The following RYR3 variants were observed in gnomAD, a reference collection of about 807,000 sequenced individuals.
RYR3 encodes the protein ryanodine receptor 3, also known as brain ryanodine receptor-calcium release channel.
A neutral mutation model predicts 584.3 loss-of-function variants in RYR3; 207 were observed. The ratio of observed to expected loss-of-function variants is 0.35; its 90% CI spans 0.32 to 0.40. The LOEUF (loss-of-function observed/expected upper bound fraction) is 0.40. Among genes scored for constraint, RYR3 ranks in the 10% least tolerant of loss-of-function variants. RYR3 has a pLI of 1.00. For missense variants in RYR3, 5,616 were observed against 6,089.2 expected (o/e 0.92, Z 2.59); for synonymous variants, 2,416 against 2,248.5 (o/e 1.07, Z -2.11).
intron 23 of RYR3, 26 bp downstream of exon 23, chr15:33,631,319 C>G (rs2061255130): frequency 7.0e-7 from 1 of 1,438,152 alleles, no homozygotes; most frequent in African/African-American, 1.4e-5. Flanking sequence ...TTTAATGGTT[C>G]AAGACTTTAA....
Position 33,639,487 on chromosome 15 carries a change from A to T in RYR3, c.3556+2937A>T, listed in dbSNP as rs547308231. Among the ~76,000 whole-genome samples, 167 of 152,328 alleles carry T rather than the reference A, an allele frequency of 1.1e-3. 1 individual carries two copies. The highest frequency in any genetic ancestry group is 3.9e-3 in the African/African-American group (162 of 41,578). On this transcript the variant is annotated intron_variant, in intron 27 of 103. Transcript: ENST00000634891. The stretch of plus-strand genomic sequence containing the variant: ...CTGTGTCAAGTGGAAAGAGGTAGCA[A>T]TTCTTGCCTTGAGTTGTTAAGAAAA...
At chr15:33,788,112 C>A in intron 66 of RYR3, 106 bp from the exon 67 acceptor site, 1 of 1,389,524 alleles carries the variant, frequency 7.2e-7, no homozygotes, top group South Asian at 1.3e-5. Flanking sequence ...GGGCAGGTGC[C>A]ATCCTGAGTC....
At chr15:33,439,887 A>T (rs1596147227) in intron 1 of RYR3, among the ~76,000 whole-genome samples, 1 of 152,104 alleles carries the variant, frequency 6.6e-6, no homozygotes, top group Non-Finnish European at 1.5e-5. Context: ...GCTTGTTCTT[A>T]TGGAAAAAAG....
chr15:33,641,061 G>A (rs994832138), intron 27 of RYR3, among the ~76,000 whole-genome samples: 6 of 152,198 alleles, frequency 3.9e-5, no homozygotes, highest in Admixed American at 6.5e-5. Flanking sequence ...CCTCTACGGG[G>A]CCTGGAGCGT....
rs112655300 is a variant in RYR3, at chr15:33,800,709, A to G, written c.9831-61A>G. The G allele has an allele frequency of 6.6e-5, 77 of 1,172,572 alleles. 1 individual carries two copies. In the African/African-American group the frequency reaches 7.7e-4, roughly 12 times the overall value. 72.6% of individuals were successfully genotyped at this position (1,172,572 alleles called of 1,614,324 possible). On this transcript the variant is annotated intron_variant, in intron 67 of 103. Coordinates refer to ENST00000634891, the MANE Select transcript of RYR3 (RefSeq NM_001036.6). ...TCTCCAGTGCTGGTATAATTTTTAG[A>G]GTGTGAATATTTTAATCTCTACTGA...
chr15:33,731,438 G>A (rs1270224256), intron 47 of RYR3, 36 bp from the exon 48 acceptor site: 2 of 1,500,078 alleles, frequency 1.3e-6, no homozygotes, highest in Admixed American at 3.7e-5. Flanking sequence ...CTGTTCCTCA[G>A]GGCAATTAAC....
At chr15:33,659,437 C>T (rs2063014851) in intron 32 of RYR3, among the ~76,000 whole-genome samples, 1 of 152,220 alleles carries the variant, frequency 6.6e-6, no homozygotes, top group South Asian at 2.1e-4. Context: ...TTCACACCTA[C>T]CTGTCCTGTG....
At chr15:33,337,855 A>C (rs192211891) in intron 1 of RYR3, among the ~76,000 whole-genome samples, 109 of 152,126 alleles carry the variant, frequency 7.2e-4, no homozygotes, top group Admixed American at 5.9e-4. Context: ...GCCCATCAGC[A>C]ATAGAATGGA....
chr15:33,388,114 A>C (rs1248306161), intron 1 of RYR3, among the ~76,000 whole-genome samples: 1 of 152,230 alleles, frequency 6.6e-6, no homozygotes, highest in Non-Finnish European at 1.5e-5. Context: ...CTTTTGAGGA[A>C]GAAAACAACA....
chr15:33,630,957 C>G (rs1188098272), intron 22 of RYR3, among the ~76,000 whole-genome samples: 1 of 152,132 alleles, frequency 6.6e-6, no homozygotes, highest in Non-Finnish European at 1.5e-5. Context: ...GTTATTGTAA[C>G]AGAGTCAAGC....
intron 70 of RYR3, chr15:33,807,816 C>T (rs1431956311): frequency 5.4e-6 from 3 of 550,472 alleles, no homozygotes; most frequent in Non-Finnish European, 9.8e-6. Context: ...CTTGCTATCT[C>T]TGCTCCCTTC....
At chr15:33,646,629 G>A in intron 29 of RYR3, 103 bp downstream of exon 29, 1 of 1,044,316 alleles carries the variant, frequency 9.6e-7, no homozygotes, top group Non-Finnish European at 1.4e-6. Flanking sequence ...CACTGATAGG[G>A]TTCTCTCTGC....
At chr15:33,552,301 A>G (rs1158772449) in intron 10 of RYR3, among the ~76,000 whole-genome samples, 1 of 152,116 alleles carries the variant, frequency 6.6e-6, no homozygotes, top group Non-Finnish European at 1.5e-5. Context: ...GAGACCTTGT[A>G]ACACTCCTTC....
At chr15:33,859,949 A>C (rs2080150443) in intron 100 of RYR3, among the ~76,000 whole-genome samples, 1 of 152,222 alleles carries the variant, frequency 6.6e-6, no homozygotes, top group Non-Finnish European at 1.5e-5. Flanking sequence ...ATCCATACAG[A>C]GGAACCCCTT....
intron 102 of RYR3, among the ~76,000 whole-genome samples, chr15:33,861,779 G>C (rs1888321657): frequency 6.6e-6 from 1 of 152,122 alleles, no homozygotes; most frequent in Non-Finnish European, 1.5e-5. Context: ...CCCATGACCT[G>C]GGATATTTTT....
intron 3 of RYR3, among the ~76,000 whole-genome samples, chr15:33,528,729 G>A (rs1433220185): frequency 6.6e-6 from 1 of 152,172 alleles, no homozygotes; most frequent in Non-Finnish European, 1.5e-5. Flanking sequence ...TAATCACCAT[G>A]ATGATAATTA....
chr15:33,407,296 C>T (rs567516784), intron 1 of RYR3, among the ~76,000 whole-genome samples: 12 of 152,108 alleles, frequency 7.9e-5, no homozygotes, highest in African/African-American at 1.7e-4. Flanking sequence ...TAGAGGGTGA[C>T]GAAGTAAATA....
chr15:33,757,842 G>A lies in RYR3; in HGVS notation c.8705+246G>A, dbSNP rs2163143. Reference sequence around the variant, plus strand: ...ATGTATATAATTAAATCAACATCGGGACAGAGATTAAGATGGCCGAATAGG... The same window carrying A: ...ATGTATATAATTAAATCAACATCGGAACAGAGATTAAGATGGCCGAATAGG... On this transcript the variant is annotated intron_variant, in intron 60 of 103. Coordinates refer to ENST00000634891, the MANE Select transcript of RYR3 (RefSeq NM_001036.6). The A allele has an allele frequency of 4.7e-4, 239 of 513,124 alleles. 2 individuals carry two copies. The highest frequency in any genetic ancestry group is 4.6e-3 in the East Asian group (134 of 29,082). 31.8% of individuals were successfully genotyped at this position (513,124 alleles called of 1,614,324 possible).
Position 33,712,166 on chromosome 15 carries a change from T to C in RYR3, c.6619+5112T>C, listed in dbSNP as rs2067167586. ...GCAAGGGGGAGGTGCCACACACTTT[T>C]AAATGGCCAGATCTCTTAAGAACTC... On this transcript the variant is annotated intron_variant, in intron 43 of 103. Transcript: ENST00000634891. 2.0e-5 allele frequency among the ~76,000 whole-genome samples: 3 copies of C among 152,236 alleles called. No individual in the cohort carries two copies. In the East Asian group the frequency reaches 5.8e-4, roughly 29 times the overall value.
Sources: gnomAD v4.1 joint callset for allele counts (sites outside exome capture counted in the v4.1 genomes callset) on GRCh38, gnomAD v4.1.1 for gene constraint, MANE v1.5 for transcripts, NCBI Gene and HGNC (gene_info 2026-07-23, HGNC 2026-07-21) for gene names.